SVOPL: variants seen among roughly 807,000 people sequenced by gnomAD.
SVOPL encodes SVOP like, also known as putative transporter SVOPL.
SVOPL carries 60 observed loss-of-function variants against 61.0 expected under a neutral mutation model. That is an observed-to-expected ratio of 0.98 (90% CI 0.80 to 1.22). The LOEUF is 1.22. SVOPL is among the 50% of genes most tolerant of loss of function. The pLI is 0.00. For synonymous variants in SVOPL, 279 were observed against 250.0 expected (o/e 1.12, Z -1.09); for missense variants, 662 against 643.9 (o/e 1.03, Z -0.30).
At chr7:138,647,478 A>C (rs1018790907) in intron 8 of SVOPL, among the ~76,000 whole-genome samples, 4 of 152,104 alleles carry the variant, frequency 2.6e-5, no homozygotes, top group African/African-American at 9.7e-5. Flanking sequence ...TTATAGGGAG[A>C]AAATTCTGCT....
chr7:138,625,493 C>T (rs933529372), intron 13 of SVOPL, among the ~76,000 whole-genome samples: 1 of 152,100 alleles, frequency 6.6e-6, no homozygotes, highest in Admixed American at 6.6e-5. Context: ...CTACCTCAGG[C>T]AGTACCTTGC....
chr7:138,696,940 A>T (rs566080172), intron 1 of SVOPL, among the ~76,000 whole-genome samples: 55 of 152,308 alleles, frequency 3.6e-4, no homozygotes, highest in African/African-American at 1.2e-3. Context: ...TGGGTCAGGG[A>T]TAGGCACTTG....
chr7:138,639,059 C>T (rs900367458), intron 9 of SVOPL, among the ~76,000 whole-genome samples: 2 of 151,830 alleles, frequency 1.3e-5, no homozygotes, highest in African/African-American at 4.8e-5. Flanking sequence ...TCAAGACCAG[C>T]CTGGCCAAAA....
At chr7:138,597,712 G>C (rs1398748682) in intron 14 of SVOPL, among the ~76,000 whole-genome samples, 2 of 151,312 alleles carry the variant, frequency 1.3e-5, no homozygotes, top group African/African-American at 4.9e-5. Flanking sequence ...AAAAGGGATA[G>C]AAACCAAAAG....
At chr7:138,652,906 G>A (rs140851424) in intron 7 of SVOPL, among the ~76,000 whole-genome samples, 63 of 152,268 alleles carry the variant, frequency 4.1e-4, no homozygotes, top group African/African-American at 1.3e-3. Context: ...GATTACAGGC[G>A]TGAGCCACCG....
intron 1 of SVOPL, among the ~76,000 whole-genome samples, chr7:138,699,763 G>T (rs954472972): frequency 6.6e-6 from 1 of 152,222 alleles, no homozygotes; most frequent in Non-Finnish European, 1.5e-5. Flanking sequence ...CTGGTGGTGA[G>T]GTGTGGCTCC....
rs71179717 is a variant in SVOPL, at chr7:138,654,500, G to GTTTTTT, written c.534+1942_534+1947dup. ...GTTTACAGCATGGTTTACTGAGTTTGTTTTTTTTTTTTTTTTTGAGACGGA... is the reference window on the plus strand; with the variant it reads ...GTTTACAGCATGGTTTACTGAGTTTGTTTTTTTTTTTTTTTTTTTTTTTGAGACGGA... On this transcript the variant is annotated intron_variant, in intron 7 of 15. Coordinates refer to ENST00000674285, the MANE Select transcript of SVOPL (RefSeq NM_001139456.2). Among the ~76,000 whole-genome samples, 30 of 125,538 alleles carry GTTTTTT rather than the reference G, an allele frequency of 2.4e-4. 1 individual carries two copies. Among genetic ancestry groups the GTTTTTT allele is most frequent in the Admixed American group, 4.5e-4 (5 of 11,104 alleles). 82.4% of individuals were successfully genotyped at this position (125,538 alleles called of 152,430 possible).
chr7:138,679,432 G>A (rs1802653551), intron 1 of SVOPL, among the ~76,000 whole-genome samples: 1 of 152,028 alleles, frequency 6.6e-6, no homozygotes, highest in Non-Finnish European at 1.5e-5. Context: ...ACCATGCCTG[G>A]CTAATTTTTT....
intron 7 of SVOPL, 81 bp downstream of exon 7, chr7:138,656,367 G>T: frequency 7.2e-7 from 1 of 1,387,152 alleles, no homozygotes; most frequent in Non-Finnish European, 1.0e-6. Flanking sequence ...TACCAAACCA[G>T]CAGTATTTCC....
At chr7:138,595,340 AT>A (rs145822026) in intron 15 of SVOPL, among the ~76,000 whole-genome samples, 11,545 of 152,162 alleles carry the variant, frequency 0.076, 596 homozygotes, top group African/African-American at 0.14. Context: ...GTGGGTGTGT[AT>A]TTTAAGATTT....
At chr7:138,610,274 A>AT (rs1436357188) in intron 14 of SVOPL, among the ~76,000 whole-genome samples, 2 of 151,906 alleles carry the variant, frequency 1.3e-5, no homozygotes, top group Non-Finnish European at 2.9e-5. Flanking sequence ...CTGTCCATAC[A>AT]TAAAAAAAGA....
At chr7:138,605,117 G>C (rs1377429710) in intron 14 of SVOPL, among the ~76,000 whole-genome samples, 1 of 146,418 alleles carries the variant, frequency 6.8e-6, no homozygotes, top group Non-Finnish European at 1.5e-5. Flanking sequence ...AGAACCACAA[G>C]AGAATTCTCC....
intron 9 of SVOPL, among the ~76,000 whole-genome samples, chr7:138,641,834 A>ATATAT (rs1554464902): frequency 6.8e-5 from 2 of 29,484 alleles, no homozygotes; most frequent in Admixed American, 3.6e-4. Context: ...ATATATATAT[A>ATATAT]ACATATATAT....
intron 5 of SVOPL, chr7:138,661,155 T>C: frequency 1.0e-6 from 1 of 985,418 alleles, no homozygotes; most frequent in South Asian, 4.7e-5. Flanking sequence ...ATTCCTCCAT[T>C]TGTGTTTATG....
chr7:138,648,565 A>G (rs1365219757), intron 8 of SVOPL, among the ~76,000 whole-genome samples: 2 of 148,152 alleles, frequency 1.3e-5, no homozygotes, highest in Non-Finnish European at 3.0e-5. Flanking sequence ...AAAATTAGTC[A>G]GGCGCGGTGG....
At chr7:138,698,187 G>A (rs1027548994) in intron 1 of SVOPL, among the ~76,000 whole-genome samples, 39 of 152,058 alleles carry the variant, frequency 2.6e-4, no homozygotes, top group Non-Finnish European at 5.0e-4. Context: ...AAGGAAGAAA[G>A]CCAGTAGTCA....
intron 9 of SVOPL, among the ~76,000 whole-genome samples, chr7:138,636,365 G>A (rs1166913169): frequency 2.0e-5 from 3 of 152,054 alleles, no homozygotes; most frequent in Non-Finnish European, 4.4e-5. Flanking sequence ...GAAATAAATT[G>A]GGAAATACAC....
At chr7:138,630,220 G>C (rs1372097049) in intron 9 of SVOPL, 98 bp from the exon 10 acceptor site, 1 of 1,003,744 alleles carries the variant, frequency 1.0e-6, no homozygotes, top group Non-Finnish European at 1.6e-6. Flanking sequence ...AATCATATTG[G>C]AGCATGGTGG....
chr7:138,597,316 C>T (rs941575235), intron 14 of SVOPL: 21 of 1,055,312 alleles, frequency 2.0e-5, no homozygotes, highest in Non-Finnish European at 2.7e-5. Context: ...AATACAATTT[C>T]TTCCCTTTAC....
Sources: allele counts gnomAD v4.1 joint callset (sites outside exome capture counted in the v4.1 genomes callset), GRCh38; gene constraint gnomAD v4.1.1; transcripts MANE v1.5; gene names NCBI Gene and HGNC (gene_info 2026-07-23, HGNC 2026-07-21).